The following ZSCAN2 variants were observed in gnomAD, a reference collection of about 807,000 sequenced individuals.
ZSCAN2 encodes zinc finger and SCAN domain containing 2.
In ZSCAN2, 26 loss-of-function variants were observed where a neutral mutation model predicts 47.8. That is an observed-to-expected ratio of 0.54 (90% CI 0.40 to 0.75). ZSCAN2 has a LOEUF of 0.75. Among genes scored for constraint, ZSCAN2 ranks in the 30% least tolerant of loss-of-function variants. The probability of loss-of-function intolerance (pLI) is 0.00; values close to 1 mark genes in which losing one functional copy is unlikely to be tolerated. For missense variants in ZSCAN2, 732 were observed against 785.4 expected (o/e 0.93, Z 0.81); for synonymous variants, 305 against 288.7 (o/e 1.06, Z -0.57).
chr15:84,618,328 G>A (rs1345482529), intron 2 of ZSCAN2, among the ~76,000 whole-genome samples: 1 of 152,126 alleles, frequency 6.6e-6, no homozygotes, highest in Non-Finnish European at 1.5e-5. Flanking sequence ...TGAGGCAGGA[G>A]AATCTCTTGA....
chr15:84,608,893 C>T (rs1362169310), intron 2 of ZSCAN2, among the ~76,000 whole-genome samples: 3 of 152,176 alleles, frequency 2.0e-5, no homozygotes, highest in African/African-American at 7.2e-5. Context: ...TCACCAAGCC[C>T]CGCTGAAGCA....
Position 84,604,050 on chromosome 15 carries a change from G to T in ZSCAN2, c.123G>T (p.Val41=), listed in dbSNP as rs1161052225. ...TTMILEDDSW[V]QEAVLQEDGP... is the part of the protein sequence containing the mutation. ...TGATCCTGGAGGATGACTCCTGGGT[G>T]CAAGAAGCTGTGCTGCAGGAGGATG... Residue 41 remains valine, a synonymous_variant, in exon 2 of 3, where the codon GTG becomes GTT. Coordinates refer to ENST00000546148, the MANE Select transcript of ZSCAN2 (RefSeq NM_181877.4). The T allele has an allele frequency of 3.1e-6, 5 of 1,614,074 alleles. No homozygotes were observed. The highest frequency in any genetic ancestry group is 3.3e-5 in the Admixed American group (2 of 60,004).
chr15:84,615,331 G>C (rs1184641769), intron 2 of ZSCAN2, among the ~76,000 whole-genome samples: 1 of 151,776 alleles, frequency 6.6e-6, no homozygotes, highest in Non-Finnish European at 1.5e-5. Context: ...CCTAACTTCT[G>C]TTTCTATCTT....
chr15:84,602,664 C>G (rs1895246897), intron 1 of ZSCAN2, among the ~76,000 whole-genome samples: 1 of 148,092 alleles, frequency 6.8e-6, no homozygotes, highest in South Asian at 2.1e-4. Context: ...TCTCGGCTCA[C>G]TGCAACCTCC....
At chr15:84,614,288 T>TGCAAAA (rs1895637153) in intron 2 of ZSCAN2, 1 of 152,154 alleles carries the variant, frequency 6.6e-6, no homozygotes, top group Non-Finnish European at 1.5e-5. Flanking sequence ...CTTATCTTTT[T>TGCAAAA]TAGTGTTTAT....
rs2341185 is a variant in ZSCAN2, at chr15:84,609,706, G to T, written c.406+5373G>T. Among the ~76,000 whole-genome samples the T allele has an allele frequency of 9.3e-3, 1,420 of 152,206 alleles. 10 individuals carry two copies. Among genetic ancestry groups the T allele is most frequent in the Non-Finnish European group, 0.015 (994 of 68,000 alleles). ...GGCTTGCCAGGGCAGCGCTCTAATG[G>T]GGAGAGCCCTAGTGAGAATGGAGCT... On this transcript the variant is annotated intron_variant, in intron 2 of 2. Coordinates refer to ENST00000546148, the MANE Select transcript of ZSCAN2 (RefSeq NM_181877.4).
intron 2 of ZSCAN2, chr15:84,614,590 A>G (rs191982755): frequency 2.6e-5 from 4 of 152,268 alleles, no homozygotes; most frequent in African/African-American, 9.6e-5. Context: ...CTGTTTGCCT[A>G]TAGGTTTATA....
Position 84,622,085 on chromosome 15 carries a change from G to A in ZSCAN2, c.*45G>A, listed in dbSNP as rs537461355. ...GAGGGACTGGCCTGGAGTGGGAGTTGCCACACTGCCCCAACAGTGATTCCC... is the reference window on the plus strand; with the variant it reads ...GAGGGACTGGCCTGGAGTGGGAGTTACCACACTGCCCCAACAGTGATTCCC... On this transcript the variant is annotated 3_prime_UTR_variant, in exon 3 of 3. Transcript: ENST00000546148. 3.4e-5 allele frequency: 50 copies of A among 1,480,440 alleles called. No homozygotes were observed. In the South Asian group the frequency reaches 5.7e-4, roughly 17 times the overall value. The allele number at this position is 1,480,440 out of a possible 1,614,324, so 91.7% of individuals were successfully genotyped here. A position where few individuals can be genotyped will look rare whatever the true frequency, so the allele number is the denominator to read the frequency against.
chr15:84,620,635 G>C lies in ZSCAN2; in HGVS notation c.440G>C (p.Cys147Ser), dbSNP rs1327128878. The C allele has an allele frequency of 6.2e-7, 1 of 1,611,924 alleles. No homozygotes were observed. The highest frequency in any genetic ancestry group is 1.1e-5 in the South Asian group (1 of 91,038). The change falls in exon 3 of 3, where the codon TGT (cysteine) becomes TCT (serine). Residue 147 changes from cysteine (C) to serine (S), a missense_variant. Physicochemically the swap from Cys to Ser is moderately radical, Grantham distance 112 (BLOSUM62 -1). Coordinates refer to ENST00000546148, the MANE Select transcript of ZSCAN2 (RefSeq NM_181877.4). ...FEIQSENGENCNQDMFENESR... is the reference protein window; with the variant it reads ...FEIQSENGENSNQDMFENESR... ...ATACAGAGTGAAAATGGGGAGAACT[G>C]TAATCAAGACATGTTTGAGAATGAA... is the stretch of plus-strand genomic sequence containing the variant.
chr15:84,619,165 C>T (rs535519070), intron 2 of ZSCAN2, among the ~76,000 whole-genome samples: 45 of 152,330 alleles, frequency 3.0e-4, no homozygotes, highest in Middle Eastern at 3.4e-3. Context: ...GGCGCGGTGG[C>T]TCACGCCTGT....
intron 2 of ZSCAN2, among the ~76,000 whole-genome samples, chr15:84,620,229 T>A (rs1895785034): frequency 6.6e-6 from 1 of 152,236 alleles, no homozygotes; most frequent in Non-Finnish European, 1.5e-5. Context: ...TTGCTGAGGA[T>A]AATGGCTTCC....
At chr15:84,602,475 T>C (rs1009115989) in intron 1 of ZSCAN2, among the ~76,000 whole-genome samples, 3 of 152,208 alleles carry the variant, frequency 2.0e-5, no homozygotes, top group African/African-American at 4.8e-5. Context: ...AATGAAGATA[T>C]TGAAAATTTC....
At position 84,606,512 on chromosome 15, in the gene ZSCAN2, G is replaced by T. The variant is rs1410426642; in HGVS notation, c.406+2179G>T. The T allele has an allele frequency of 1.9e-6, 3 of 1,587,720 alleles. No homozygotes were observed. In the Admixed American group the frequency reaches 5.0e-5, roughly 27 times the overall value. On this transcript the variant is annotated intron_variant, in intron 2 of 2. Coordinates refer to ENST00000546148, the MANE Select transcript of ZSCAN2 (RefSeq NM_181877.4). ...TCCTTCTATTAAAATAAGCAAACCT[G>T]TCTCCCTATTTTACAGCTGTAGCTG...
intron 2 of ZSCAN2, among the ~76,000 whole-genome samples, chr15:84,608,205 C>T (rs1314901717): frequency 2.0e-5 from 3 of 152,088 alleles, no homozygotes; most frequent in East Asian, 1.9e-4. Flanking sequence ...TCATGAACCT[C>T]GGAGCCCCAC....
intron 2 of ZSCAN2, chr15:84,616,452 C>A: frequency 6.5e-7 from 1 of 1,549,600 alleles, no homozygotes; most frequent in South Asian, 1.2e-5. Flanking sequence ...TTTCTGAGTT[C>A]TGTTCCCTCC....
chr15:84,608,818 G>C (rs1895460396), intron 2 of ZSCAN2, among the ~76,000 whole-genome samples: 1 of 152,050 alleles, frequency 6.6e-6, no homozygotes, highest in African/African-American at 2.4e-5. Flanking sequence ...TTGTTCTTCA[G>C]GGGGTGGTCA....
intron 2 of ZSCAN2, among the ~76,000 whole-genome samples, chr15:84,607,958 G>A (rs1368746359): frequency 6.6e-6 from 1 of 152,090 alleles, no homozygotes; most frequent in East Asian, 1.9e-4. Flanking sequence ...CCACACACCT[G>A]GGAGCACCTC....
intron 2 of ZSCAN2, among the ~76,000 whole-genome samples, chr15:84,610,783 A>C (rs1207980756): frequency 6.6e-6 from 1 of 151,992 alleles, no homozygotes; most frequent in Non-Finnish European, 1.5e-5. Context: ...CACTGCACCC[A>C]GCCAAAACAG....
At chr15:84,601,905 C>A (rs1895214036) in intron 1 of ZSCAN2, 1 of 148,674 alleles carries the variant, frequency 6.7e-6, no homozygotes, top group Non-Finnish European at 1.5e-5. Context: ...CCACTGCTTT[C>A]AATATTTTGT....
Sources: allele counts gnomAD v4.1 joint callset (sites outside exome capture counted in the v4.1 genomes callset), GRCh38; gene constraint gnomAD v4.1.1; transcripts MANE v1.5; gene names NCBI Gene and HGNC (gene_info 2026-07-23, HGNC 2026-07-21).